ASPG: variants seen among roughly 807,000 people sequenced by gnomAD.
ASPG encodes asparaginase, also known as 60 kDa lysophospholipase.
ASPG carries 53 observed loss-of-function variants against 63.2 expected under a neutral mutation model. That is an observed-to-expected ratio of 0.84 (90% CI 0.67 to 1.05). The LOEUF (loss-of-function observed/expected upper bound fraction) is 1.05, where lower values mean the gene tolerates loss of function less well. Among genes scored for constraint, ASPG ranks in the 50% least tolerant of loss-of-function variants. The probability of loss-of-function intolerance (pLI) is 0.00; values close to 1 mark genes in which losing one functional copy is unlikely to be tolerated. For synonymous variants in ASPG, 370 were observed against 355.0 expected (o/e 1.04, Z -0.48); for missense variants, 741 against 794.4 (o/e 0.93, Z 0.81).
intron 12 of ASPG, chr14:104,108,251 A>C (rs1319662862): frequency 5.6e-6 from 1 of 179,938 alleles, no homozygotes; most frequent in Non-Finnish European, 1.1e-5. Context: ...GGTGGTGGAC[A>C]GGAGGGGGCG....
At chr14:104,096,209 G>A (rs1247231115) in intron 4 of ASPG, among the ~76,000 whole-genome samples, 1 of 152,194 alleles carries the variant, frequency 6.6e-6, no homozygotes, top group Non-Finnish European at 1.5e-5. Flanking sequence ...GATTTGAGGG[G>A]ATGTGGCAGG....
intron 2 of ASPG, chr14:104,093,121 C>A (rs2036423336): frequency 1.0e-5 from 5 of 481,522 alleles, no homozygotes; most frequent in South Asian, 9.0e-5. Context: ...TGATGTCCCC[C>A]ACAGCTGGGG....
Position 104,111,989 on chromosome 14 carries a change from G to GC in ASPG, c.1694dup (p.Cys566MetfsTer11). ...CCTGGAGGGTGCGGTTGGTGCCCAGGCCCCATGCCCAGTAAGTCCCCACCC... is the reference window on the plus strand; with the variant it reads ...CCTGGAGGGTGCGGTTGGTGCCCAGGCCCCCATGCCCAGTAAGTCCCCACCC... On this transcript the variant is annotated frameshift_variant, in exon 15 of 16. Coordinates refer to ENST00000551177, the MANE Select transcript of ASPG (RefSeq NM_001080464.3). LOFTEE classifies it high-confidence loss of function. 2 of 1,554,436 alleles carry GC rather than the reference G, an allele frequency of 1.3e-6. No homozygotes were observed. Among genetic ancestry groups the GC allele is most frequent in the Non-Finnish European group, 1.7e-6 (2 of 1,148,678 alleles).
At chr14:104,108,887 G>T in intron 12 of ASPG, 1 of 985,378 alleles carries the variant, frequency 1.0e-6, no homozygotes, top group Non-Finnish European at 1.2e-6. Flanking sequence ...GAATGGGTTG[G>T]GGAGACTGCC....
intron 4 of ASPG, 52 bp from the exon 5 acceptor site, chr14:104,097,502 C>G: frequency 9.3e-6 from 14 of 1,512,254 alleles, no homozygotes; most frequent in Non-Finnish European, 1.2e-5. Flanking sequence ...AGCCAGACAT[C>G]CCAGGCTTCT....
At chr14:104,106,736 C>A in intron 10 of ASPG, 63 bp from the exon 11 acceptor site, 1 of 1,430,382 alleles carries the variant, frequency 7.0e-7, no homozygotes, top group Non-Finnish European at 9.6e-7. Context: ...GCACCGGGGA[C>A]TGCCAGTTCC....
chr14:104,104,734 A>G lies in ASPG; in HGVS notation c.1049A>G (p.Glu350Gly). The change falls in exon 9 of 16, where the codon GAG (glutamate) becomes GGG (glycine). Residue 350 changes from glutamate to glycine, a missense_variant and splice_region_variant. Glu to Gly is a moderately conservative substitution (Grantham distance 98). Coordinates refer to ENST00000551177, the MANE Select transcript of ASPG (RefSeq NM_001080464.3). ...QPGLSLDVRK[E>G]LLTKDLRGEM... ...GGGCTGAGCCTGGATGTCAGGAAGGAGGTGCGGGCGCTCTCGGGCTGTGGG... is the reference window on the plus strand; with the variant it reads ...GGGCTGAGCCTGGATGTCAGGAAGGGGGTGCGGGCGCTCTCGGGCTGTGGG... 6.3e-7 allele frequency: 1 copy of G among 1,590,424 alleles called. No individual in the cohort carries two copies. The highest frequency in any genetic ancestry group is 1.1e-5 in the South Asian group (1 of 89,346).
chr14:104,097,449 C>G, intron 4 of ASPG, 105 bp from the exon 5 acceptor site: 1 of 1,155,526 alleles, frequency 8.7e-7, no homozygotes. Flanking sequence ...CCACACCCGC[C>G]TGGGGCTCCT....
intron 12 of ASPG, chr14:104,108,894 T>A (rs1193203896): frequency 1.0e-6 from 1 of 985,284 alleles, no homozygotes; most frequent in African/African-American, 1.7e-5. Flanking sequence ...TTGGGGAGAC[T>A]GCCCTGGGAG....
chr14:104,103,647 G>A lies in ASPG; in HGVS notation c.725G>A (p.Arg242His). ...SSMEQDVGLL[R>H]LYPGIPAALV... Reference sequence around the variant, plus strand: ...ATGGAGCAGGACGTGGGCCTGCTGCGCCTCTACCCTGGGATCCCTGCCGCC... The same window carrying A: ...ATGGAGCAGGACGTGGGCCTGCTGCACCTCTACCCTGGGATCCCTGCCGCC... Residue 242 changes from arginine to histidine, a missense_variant, in exon 7 of 16, where the codon CGC becomes CAC. Physicochemically the swap from Arg to His is conservative, Grantham distance 29. Transcript: ENST00000551177. 6.5e-7 allele frequency: 1 copy of A among 1,547,948 alleles called. No homozygotes were observed. Among genetic ancestry groups the A allele is most frequent in the African/African-American group, 1.4e-5 (1 of 73,080 alleles).
rs1369050255 is a variant in ASPG at position 104,109,199 on chromosome 14, CAGA to C, written c.1434-27_1434-25del. 4.0e-5 allele frequency: 65 copies of C among 1,610,538 alleles called. No individual in the cohort carries two copies. Among genetic ancestry groups the C allele is most frequent in the Non-Finnish European group, 5.5e-5 (65 of 1,178,812 alleles). Reference sequence around the variant, plus strand: ...TGCAGCGGGGCTGGGCTGGCCAGGGCAGAAGGTCAGCATGCTCATTCTCACACA... The same window carrying C: ...TGCAGCGGGGCTGGGCTGGCCAGGGCAGGTCAGCATGCTCATTCTCACACA... On this transcript the variant is annotated intron_variant, in intron 12 of 15. Coordinates refer to ENST00000551177, the MANE Select transcript of ASPG (RefSeq NM_001080464.3). The surrounding 1 kb of genome is among the most constrained non-coding windows in gnomAD (Gnocchi z 4.8).
chr14:104,108,370 C>G (rs572925545), intron 12 of ASPG: 11 of 977,818 alleles, frequency 1.1e-5, no homozygotes, highest in Non-Finnish European at 1.3e-5. Flanking sequence ...CACACAGTCC[C>G]GCCCCCTCGT....
chr14:104,093,122 A>G (rs551124567), intron 2 of ASPG: 60 of 473,920 alleles, frequency 1.3e-4, no homozygotes, highest in Non-Finnish European at 2.1e-4. Flanking sequence ...GATGTCCCCC[A>G]CAGCTGGGGG....
At chr14:104,099,460 C>G (rs901458862) in intron 6 of ASPG, among the ~76,000 whole-genome samples, 1 of 152,192 alleles carries the variant, frequency 6.6e-6, no homozygotes, top group African/African-American at 2.4e-5. Flanking sequence ...CAAGCCCGCC[C>G]CCTGGCCCTG....
At chr14:104,104,972 G>T in intron 9 of ASPG, 1 of 581,070 alleles carries the variant, frequency 1.7e-6, no homozygotes, top group Non-Finnish European at 3.0e-6. Context: ...TGCCTTCTCA[G>T]ACTGCATGGA....
At chr14:104,095,183 G>A (rs969700881) in intron 3 of ASPG, among the ~76,000 whole-genome samples, 3 of 152,178 alleles carry the variant, frequency 2.0e-5, no homozygotes, top group African/African-American at 7.2e-5. Context: ...TCTGGGCTTC[G>A]AGGCTCGTGC....
At chr14:104,104,171 C>T (rs1234533032) in intron 7 of ASPG, 133 bp from the exon 8 acceptor site, 3 of 1,040,160 alleles carry the variant, frequency 2.9e-6, no homozygotes, top group Non-Finnish European at 4.1e-6. Flanking sequence ...AGGAGCCCCA[C>T]TGTCCCGGGA....
intron 6 of ASPG, among the ~76,000 whole-genome samples, chr14:104,101,950 G>A (rs569683704): frequency 6.6e-6 from 1 of 152,330 alleles, no homozygotes; most frequent in Admixed American, 6.5e-5. Context: ...CTGCCCCCGG[G>A]TGTGGGGTCA....
At chr14:104,095,505 T>G in intron 3 of ASPG, 26 bp from the exon 4 acceptor site, 1 of 1,611,906 alleles carries the variant, frequency 6.2e-7, no homozygotes, top group Non-Finnish European at 8.5e-7. Flanking sequence ...GGGGCTGGCC[T>G]GCCTGAGCAT....
Sources: gnomAD v4.1 joint callset for allele counts (sites outside exome capture counted in the v4.1 genomes callset) on GRCh38, gnomAD v4.1.1 for gene constraint, Gnocchi (gnomAD v3.1) non-coding constraint, MANE v1.5 for transcripts, NCBI Gene and HGNC (gene_info 2026-07-23, HGNC 2026-07-21) for gene names.